Variants in GRAMD2B observed in about 807,000 individuals in gnomAD.
The protein encoded by GRAMD2B is GRAM domain-containing protein 2B.
A neutral mutation model predicts 59.2 loss-of-function variants in GRAMD2B; 41 were observed. That is an observed-to-expected ratio of 0.69 (90% CI 0.54 to 0.90). GRAMD2B has a LOEUF of 0.90. GRAMD2B is among the 40% of genes least tolerant of loss of function. The pLI is 0.00. For missense variants in GRAMD2B, 424 were observed against 500.5 expected, an observed-to-expected ratio of 0.85 and a Z score of 1.46; for synonymous variants, 161 against 182.7, an observed-to-expected ratio of 0.88 and a Z score of 0.96.
intron 1 of GRAMD2B, 30 bp from the exon 2 acceptor site, chr5:126,465,396 T>G: frequency 6.2e-7 from 1 of 1,613,728 alleles, no homozygotes; most frequent in Non-Finnish European, 8.5e-7. Context: ...TCTGAATGTC[T>G]AAAGTGAAGC....
chr5:126,397,162 A>C (rs1455398629), intron 1 of GRAMD2B, among the ~76,000 whole-genome samples: 1 of 152,110 alleles, frequency 6.6e-6, no homozygotes, highest in Non-Finnish European at 1.5e-5. Flanking sequence ...TCTTAAAGGG[A>C]AAGCGTTCAG....
At chr5:126,387,226 A>G (rs1307120401) in intron 1 of GRAMD2B, among the ~76,000 whole-genome samples, 1 of 151,816 alleles carries the variant, frequency 6.6e-6, no homozygotes, top group Non-Finnish European at 1.5e-5. Context: ...GGAAAGAAAA[A>G]CCACCAATAC....
At chr5:126,363,389 C>G (rs7710466) in intron 1 of GRAMD2B, among the ~76,000 whole-genome samples, 60,444 of 151,906 alleles carry the variant, frequency 0.4, 12,242 homozygotes, top group Admixed American at 0.45. Flanking sequence ...AATGTTACGA[C>G]CATTTTGGAA....
In GRAMD2B at chr5:126,484,424, A is replaced by G. The variant is rs540665028; in HGVS notation, c.870A>G (p.Gln290=). 3 of 1,614,074 alleles carry G rather than the reference A, an allele frequency of 1.9e-6. No homozygotes were observed. Among genetic ancestry groups the G allele is most frequent in the East Asian group, 2.2e-5 (1 of 44,876 alleles). ...NSRDFHATES[Q]TVLNVSKGEA... ...TAGATTTCCATGCGACAGAATCCCA[A>G]ACAGTTCTGAATGTCTCCAAGGGAG... The change falls in exon 10 of 14, where the codon CAA becomes CAG. Residue 290 remains glutamine, a synonymous_variant. Coordinates refer to ENST00000285689, the MANE Select transcript of GRAMD2B (RefSeq NM_023927.4).
At chr5:126,402,629 C>T (rs1757934720) in intron 1 of GRAMD2B, among the ~76,000 whole-genome samples, 1 of 151,984 alleles carries the variant, frequency 6.6e-6, no homozygotes, top group South Asian at 2.1e-4. Flanking sequence ...TTACTGAACA[C>T]CAAACAACTT....
chr5:126,410,404 C>G (rs923968893), intron 1 of GRAMD2B, among the ~76,000 whole-genome samples: 1 of 151,526 alleles, frequency 6.6e-6, no homozygotes, highest in Non-Finnish European at 1.5e-5. Flanking sequence ...AGGTCCTTCA[C>G]GTCCCTTGTA....
intron 1 of GRAMD2B, among the ~76,000 whole-genome samples, chr5:126,383,593 A>C (rs528754754): frequency 1.3e-3 from 192 of 152,304 alleles, no homozygotes; most frequent in Middle Eastern, 3.4e-3. Flanking sequence ...ACTTAGATGA[A>C]GTAAGCAGGT....
intron 1 of GRAMD2B, among the ~76,000 whole-genome samples, chr5:126,447,514 A>C (rs1279992863): frequency 6.6e-6 from 1 of 151,998 alleles, no homozygotes; most frequent in Admixed American, 6.5e-5. Flanking sequence ...AATACAAAAA[A>C]TTAGCCGGGC....
chr5:126,434,659 A>G (rs930508999), intron 1 of GRAMD2B, among the ~76,000 whole-genome samples: 2 of 152,060 alleles, frequency 1.3e-5, no homozygotes, highest in African/African-American at 4.8e-5. Flanking sequence ...CTGGGACTAC[A>G]GGTGCCCGCC....
At chr5:126,454,677 G>A (rs1054872108) in intron 1 of GRAMD2B, among the ~76,000 whole-genome samples, 2 of 152,126 alleles carry the variant, frequency 1.3e-5, no homozygotes, top group African/African-American at 4.8e-5. Flanking sequence ...GAACAGAGGG[G>A]TCTTCTTTGA....
At chr5:126,416,443 C>T (rs1759271140) in intron 1 of GRAMD2B, among the ~76,000 whole-genome samples, 2 of 152,142 alleles carry the variant, frequency 1.3e-5, no homozygotes, top group Non-Finnish European at 1.5e-5. Context: ...TAGAAACAAC[C>T]ACTCAGTGAT....
At chr5:126,364,324 G>A (rs570610366) in intron 1 of GRAMD2B, among the ~76,000 whole-genome samples, 16 of 152,276 alleles carry the variant, frequency 1.1e-4, no homozygotes, top group African/African-American at 3.6e-4. Flanking sequence ...AAACTATGGG[G>A]AGGAAATTCC....
chr5:126,460,158 T>C (rs1313153614), intron 1 of GRAMD2B, among the ~76,000 whole-genome samples: 1 of 152,094 alleles, frequency 6.6e-6, no homozygotes, highest in Non-Finnish European at 1.5e-5. Flanking sequence ...AGGTGCAGAA[T>C]AGCATGCTGT....
intron 1 of GRAMD2B, among the ~76,000 whole-genome samples, chr5:126,385,019 A>G (rs1755997192): frequency 6.6e-6 from 1 of 152,250 alleles, no homozygotes; most frequent in Non-Finnish European, 1.5e-5. Context: ...GATAAATGCT[A>G]GACGGATGAA....
At position 126,434,452 on chromosome 5, in the gene GRAMD2B, T is replaced by C. The variant is rs1472282933; in HGVS notation, c.83+10763T>C. Among the ~76,000 whole-genome samples, 4 of 152,208 alleles carry C rather than the reference T, an allele frequency of 2.6e-5. No homozygotes were observed. In the East Asian group the frequency reaches 7.7e-4, roughly 29 times the overall value. ...CCCCTCCCCATATTCCAAATGGCCT[T>C]TCTTTCACTGTCTACAAGACACTAT... On this transcript the variant is annotated intron_variant, in intron 1 of 13. Transcript: ENST00000285689.
intron 1 of GRAMD2B, among the ~76,000 whole-genome samples, chr5:126,401,766 A>G (rs912018817): frequency 6.6e-6 from 1 of 152,082 alleles, no homozygotes; most frequent in African/African-American, 2.4e-5. Flanking sequence ...TACCATATAG[A>G]AAAATGATAG....
At chr5:126,424,305 G>C (rs951705153) in intron 1 of GRAMD2B, among the ~76,000 whole-genome samples, 49 of 152,242 alleles carry the variant, frequency 3.2e-4, no homozygotes, top group African/African-American at 1.2e-3. Flanking sequence ...AAATTGGTTT[G>C]GGAGGAGAGG....
intron 1 of GRAMD2B, among the ~76,000 whole-genome samples, chr5:126,391,328 A>AAT: frequency 6.7e-6 from 1 of 149,372 alleles, no homozygotes; most frequent in East Asian, 1.9e-4. Flanking sequence ...TCAAAAAAAA[A>AAT]AAAAAAAAAA....
At chr5:126,478,902 A>G (rs1771166382) in intron 6 of GRAMD2B, among the ~76,000 whole-genome samples, 1 of 152,206 alleles carries the variant, frequency 6.6e-6, no homozygotes, top group Non-Finnish European at 1.5e-5. Context: ...CCAGATAAAT[A>G]AAACTTGCAC....
Sources: allele counts gnomAD v4.1 joint callset (sites outside exome capture counted in the v4.1 genomes callset), GRCh38; gene constraint gnomAD v4.1.1; transcripts MANE v1.5; gene names NCBI Gene and HGNC (gene_info 2026-07-23, HGNC 2026-07-21).